PDE10A: variants seen among roughly 807,000 people sequenced by gnomAD.
PDE10A encodes the protein cAMP and cAMP-inhibited cGMP 3',5'-cyclic phosphodiesterase 10A.
In PDE10A, 39 loss-of-function variants were observed where a neutral mutation model predicts 97.7. The observed-to-expected ratio is 0.40, with a 90% CI of 0.31 to 0.52. The LOEUF (loss-of-function observed/expected upper bound fraction) is 0.52. Ranked by LOEUF, PDE10A falls within the 20% of genes least tolerant of loss-of-function variation. The pLI is 0.56. For synonymous variants in PDE10A, 371 were observed against 376.8 expected, an observed-to-expected ratio of 0.98 and a Z score of 0.18; for missense variants, 731 against 1,047.8, an observed-to-expected ratio of 0.70 and a Z score of 4.17.
At chr6:165,354,068 T>C (rs1412746007) in intron 18 of PDE10A, among the ~76,000 whole-genome samples, 1 of 152,158 alleles carries the variant, frequency 6.6e-6, no homozygotes, top group Non-Finnish European at 1.5e-5. Flanking sequence ...AAAAGAATTA[T>C]AGTTTCAAAT....
chr6:165,428,466 T>A (rs1396738329), intron 10 of PDE10A, among the ~76,000 whole-genome samples, 192 bp downstream of exon 10: 1 of 152,140 alleles, frequency 6.6e-6, no homozygotes, highest in Non-Finnish European at 1.5e-5. Flanking sequence ...CTGAGATTTT[T>A]AAAAATGTTA....
chr6:165,680,486 T>G (rs1378317788), intron 1 of PDE10A, among the ~76,000 whole-genome samples: 2 of 152,240 alleles, frequency 1.3e-5, no homozygotes, highest in African/African-American at 2.4e-5. Flanking sequence ...TGGAGTCTTG[T>G]TTATATAAAT....
At chr6:165,550,946 A>G (rs1190545396) in intron 1 of PDE10A, among the ~76,000 whole-genome samples, 1 of 152,258 alleles carries the variant, frequency 6.6e-6, no homozygotes, top group Non-Finnish European at 1.5e-5. Flanking sequence ...ATTAGTTTCA[A>G]AAGACAATTC....
intron 17 of PDE10A, among the ~76,000 whole-genome samples, chr6:165,381,519 G>T (rs1034979572): frequency 2.6e-5 from 4 of 151,996 alleles, no homozygotes; most frequent in Admixed American, 6.6e-5. Flanking sequence ...CTGTCACCAG[G>T]CTGGAGTGGA....
chr6:165,338,874 A>G (rs1178961636), intron 20 of PDE10A, among the ~76,000 whole-genome samples: 1 of 152,198 alleles, frequency 6.6e-6, no homozygotes, highest in Non-Finnish European at 1.5e-5. Flanking sequence ...AAGTGGTTCT[A>G]GCTTCTGTCC....
In PDE10A at chr6:165,715,388, C is replaced by T. The variant is rs1024298275; in HGVS notation, c.-614-171820G>A. Among the ~76,000 whole-genome samples, 5 of 152,304 alleles carry T rather than the reference C, an allele frequency of 3.3e-5. No individual in the cohort carries two copies. The East Asian group carries it at 5.8e-4, about 18-fold the overall frequency. ...AATCAGCCAACAGAAGTGGTGTGTG[C>T]GTCAGCTGAGCATTATATAAATTCG... On this transcript the variant is annotated intron_variant, in intron 1 of 19. Coordinates refer to the PDE10A transcript ENST00000366882.
chr6:165,475,871 A>G (rs1455531948), intron 3 of PDE10A, among the ~76,000 whole-genome samples: 1 of 152,182 alleles, frequency 6.6e-6, no homozygotes, highest in Non-Finnish European at 1.5e-5. Flanking sequence ...CAGCGCATCA[A>G]TTTGTTTCAA....
chr6:165,594,527 G>A (rs1046854885), intron 1 of PDE10A, among the ~76,000 whole-genome samples: 1 of 152,180 alleles, frequency 6.6e-6, no homozygotes, highest in Non-Finnish European at 1.5e-5. Context: ...GGAGCAGAGT[G>A]AGGGAAGTTC....
At chr6:165,847,600 T>C (rs1422473921) in intron 1 of PDE10A, among the ~76,000 whole-genome samples, 2 of 152,256 alleles carry the variant, frequency 1.3e-5, no homozygotes, top group Non-Finnish European at 2.9e-5. Flanking sequence ...AGAACACTCA[T>C]ATGCTAATGA....
chr6:165,743,389 G>A (rs111971786), intron 1 of PDE10A, among the ~76,000 whole-genome samples: 2,114 of 152,230 alleles, frequency 0.014, 38 homozygotes, highest in African/African-American at 0.044. Flanking sequence ...ACTAATAACT[G>A]AACTAGTCTT....
Position 165,332,997 on chromosome 6 carries a change from T to A in PDE10A, c.*28A>T. On this transcript the variant is annotated 3_prime_UTR_variant, in exon 22 of 22. Coordinates refer to ENST00000539869, the MANE Select transcript of PDE10A (RefSeq NM_001385079.1). ...AAGAAGCAAGATGAGGATCTGTAGGTGGGACAGCGTGTCAGGGTGACCAGT... is the reference window on the plus strand; with the variant it reads ...AAGAAGCAAGATGAGGATCTGTAGGAGGGACAGCGTGTCAGGGTGACCAGT... The A allele has an allele frequency of 9.8e-7, 1 of 1,023,418 alleles. No homozygotes were observed. The highest frequency in any genetic ancestry group is 1.4e-6 in the Non-Finnish European group (1 of 705,358). The allele number at this position is 1,023,418 out of a possible 1,614,324, so 63.4% of individuals were successfully genotyped here. A position where few individuals can be genotyped will look rare whatever the true frequency, so the allele number is the denominator to read the frequency against.
intron 3 of PDE10A, among the ~76,000 whole-genome samples, chr6:165,477,909 C>G (rs1053618275): frequency 2.0e-5 from 3 of 152,156 alleles, no homozygotes; most frequent in Admixed American, 2.0e-4. Flanking sequence ...TTTCTCTCCT[C>G]TGCTGACTTT....
intron 1 of PDE10A, among the ~76,000 whole-genome samples, chr6:165,840,579 A>C (rs1479938474): frequency 1.3e-5 from 2 of 152,176 alleles, no homozygotes; most frequent in Non-Finnish European, 2.9e-5. Context: ...CCAAGCTACC[A>C]AAACTGCAGG....
intron 20 of PDE10A, among the ~76,000 whole-genome samples, chr6:165,337,582 TA>T (rs1465233542): frequency 1.3e-5 from 2 of 152,226 alleles, no homozygotes; most frequent in African/African-American, 2.4e-5. Context: ...TATTAGAAAT[TA>T]GAGTATTTCA....
chr6:165,362,076 C>A lies in PDE10A; in HGVS notation c.2783+17118G>T, dbSNP rs369125618. On this transcript the variant is annotated intron_variant, in intron 18 of 21. Transcript: ENST00000539869. ...GAGGAAAATTTAGAGCTATGAATGTCTATATTAAGAAAGAAGAAATAATTC... is the reference window on the plus strand; with the variant it reads ...GAGGAAAATTTAGAGCTATGAATGTATATATTAAGAAAGAAGAAATAATTC... Among the ~76,000 whole-genome samples, 5 of 152,144 alleles carry A rather than the reference C, an allele frequency of 3.3e-5. No individual in the cohort carries two copies. The East Asian group carries it at 9.7e-4, about 29-fold the overall frequency.
intron 17 of PDE10A, among the ~76,000 whole-genome samples, chr6:165,380,168 T>A (rs1784844968): frequency 6.6e-6 from 1 of 152,230 alleles, no homozygotes; most frequent in South Asian, 2.1e-4. Context: ...AAACCCTTTG[T>A]TGAAACTAAA....
intron 1 of PDE10A, among the ~76,000 whole-genome samples, chr6:165,758,591 A>G (rs1415844721): frequency 1.4e-5 from 2 of 145,460 alleles, no homozygotes; most frequent in African/African-American, 4.9e-5. Context: ...GGAAGAAGAA[A>G]AAGAGGCAGC....
chr6:165,887,690 C>G (rs1044099273), intron 1 of PDE10A, among the ~76,000 whole-genome samples: 3 of 152,212 alleles, frequency 2.0e-5, no homozygotes, highest in African/African-American at 7.2e-5. Context: ...CATGTTGGTT[C>G]TACCTTCAAG....
At chr6:165,765,214 C>T (rs192181411) in intron 1 of PDE10A, among the ~76,000 whole-genome samples, 1 of 152,380 alleles carries the variant, frequency 6.6e-6, no homozygotes, top group Non-Finnish European at 1.5e-5. Flanking sequence ...AGGAGCCCAG[C>T]TGGCTTCACC....
Sources: allele counts gnomAD v4.1 joint callset (sites outside exome capture counted in the v4.1 genomes callset), GRCh38; gene constraint gnomAD v4.1.1; transcripts MANE v1.5; gene names NCBI Gene and HGNC (gene_info 2026-07-23, HGNC 2026-07-21).